Variants in TAFA1 observed in about 807,000 individuals in gnomAD.
The protein encoded by TAFA1 is TAFA chemokine like family member 1.
Under a neutral mutation model 18.5 loss-of-function variants are expected in TAFA1, and 4 were observed. That is an observed-to-expected ratio of 0.22 (90% CI 0.11 to 0.49). The LOEUF is 0.49. Ranked by LOEUF, TAFA1 falls within the 20% of genes least tolerant of loss-of-function variation. The probability of loss-of-function intolerance (pLI) is 0.98; values close to 1 mark genes in which losing one functional copy is unlikely to be tolerated. For missense variants in TAFA1, 147 were observed against 169.0 expected (o/e 0.87, Z 0.72); for synonymous variants, 56 against 55.2 (o/e 1.01, Z -0.06).
intron 2 of TAFA1, among the ~76,000 whole-genome samples, chr3:68,359,347 T>C (rs769117515): frequency 2.6e-5 from 4 of 152,010 alleles, no homozygotes; most frequent in Non-Finnish European, 5.9e-5. Context: ...TATGTTACCC[T>C]ACAAGGCAAA....
At chr3:68,029,517 A>C (rs1704886570) in intron 2 of TAFA1, among the ~76,000 whole-genome samples, 1 of 152,218 alleles carries the variant, frequency 6.6e-6, no homozygotes, top group Admixed American at 6.5e-5. Flanking sequence ...TCTAAAATTT[A>C]AGTTAAATAA....
At chr3:68,000,082 C>CTACTTATTT (rs1704268449), upstream of TAFA1, among the ~76,000 whole-genome samples, 1 of 152,204 alleles carries the variant, frequency 6.6e-6, no homozygotes, top group Admixed American at 6.5e-5. Flanking sequence ...AGCCACCGTG[C>CTACTTATTT]CTGGTCAAAG....
intron 3 of TAFA1, among the ~76,000 whole-genome samples, chr3:68,473,851 A>G (rs2072044000): frequency 6.6e-6 from 1 of 152,190 alleles, no homozygotes; most frequent in Admixed American, 6.6e-5. Flanking sequence ...GTTGTTGTAT[A>G]TAATCTCCAA....
In TAFA1 at chr3:68,204,805, T is replaced by C. The variant is rs553653035; in HGVS notation, c.118+198061T>C. 5.3e-5 allele frequency among the ~76,000 whole-genome samples: 8 copies of C among 151,966 alleles called. No homozygotes were observed. In the East Asian group the frequency reaches 1.6e-3, roughly 30 times the overall value. On this transcript the variant is annotated intron_variant, in intron 2 of 4. Coordinates refer to ENST00000478136, the MANE Select transcript of TAFA1 (RefSeq NM_213609.4). ...CAAGGCTGAAGTGATTTGCTCAAGG[T>C]CATCCAGCGAGTTAATGACTAATCT... is the stretch of plus-strand genomic sequence containing the variant.
intron 2 of TAFA1, among the ~76,000 whole-genome samples, chr3:68,151,203 A>C (rs1168969692): frequency 6.6e-6 from 1 of 152,176 alleles, no homozygotes; most frequent in Non-Finnish European, 1.5e-5. Flanking sequence ...CACAAGCTGC[A>C]ACATATTTTG....
chr3:68,249,986 C>T (rs2067161936), intron 2 of TAFA1, among the ~76,000 whole-genome samples: 1 of 152,126 alleles, frequency 6.6e-6, no homozygotes, highest in Non-Finnish European at 1.5e-5. Context: ...GCTCTAGAAA[C>T]ATTTATTGTT....
At chr3:68,166,838 T>C (rs926747461) in intron 2 of TAFA1, among the ~76,000 whole-genome samples, 1 of 152,112 alleles carries the variant, frequency 6.6e-6, no homozygotes, top group Non-Finnish European at 1.5e-5. Flanking sequence ...GAAATCCCCT[T>C]ATACGCTTGT....
intron 2 of TAFA1, among the ~76,000 whole-genome samples, chr3:68,199,985 C>T (rs1467725186): frequency 1.3e-5 from 2 of 151,486 alleles, no homozygotes; most frequent in African/African-American, 4.8e-5. Context: ...GTGTTTTGTA[C>T]ATTTTAAAAT....
chr3:68,422,326 A>G (rs116778844), intron 3 of TAFA1, among the ~76,000 whole-genome samples: 2,897 of 152,170 alleles, frequency 0.019, 38 homozygotes, highest in Non-Finnish European at 0.03. Context: ...TCCCAATCTC[A>G]GTTCCCTAGG....
At chr3:68,084,039 A>G (rs918573958) in intron 2 of TAFA1, among the ~76,000 whole-genome samples, 3 of 152,162 alleles carry the variant, frequency 2.0e-5, no homozygotes, top group African/African-American at 7.2e-5. Context: ...AAGCAATGCT[A>G]TTCATGCCAG....
At position 68,494,659 on chromosome 3, in the gene TAFA1, C is replaced by T. The variant is rs148307516; in HGVS notation, c.260-44097C>T. On this transcript the variant is annotated intron_variant, in intron 3 of 4. Transcript: ENST00000478136. ...GGAAGTCACACATGATGAATTAATT[C>T]CTAATGATACCTCACAAGCTCTGGG... 5.3e-4 allele frequency among the ~76,000 whole-genome samples: 81 copies of T among 152,242 alleles called. 1 individual carries two copies. The East Asian group carries it at 0.015, about 28-fold the overall frequency.
chr3:68,540,488 C>T (rs1170519100), intron 4 of TAFA1, among the ~76,000 whole-genome samples: 2 of 152,130 alleles, frequency 1.3e-5, no homozygotes, highest in East Asian at 3.8e-4. Flanking sequence ...CTGATTCTTC[C>T]CAATAATTTG....
At chr3:68,122,402 T>C (rs2065411351) in intron 2 of TAFA1, among the ~76,000 whole-genome samples, 1 of 152,126 alleles carries the variant, frequency 6.6e-6, no homozygotes, top group Admixed American at 6.5e-5. Flanking sequence ...GTAATGCCAG[T>C]TATCAAAAAT....
At position 68,541,868 on chromosome 3, in the gene TAFA1, G is replaced by A. The variant is rs576101309; in HGVS notation, c.385-2618G>A. 1.2e-4 allele frequency among the ~76,000 whole-genome samples: 19 copies of A among 152,166 alleles called. No individual in the cohort carries two copies. The South Asian group carries it at 3.1e-3, about 25-fold the overall frequency. ...AATCATCCTGAACAAAATTCTCTTC[G>A]AAATGTGGTTAAATAATGTTTCAAA... On this transcript the variant is annotated intron_variant, in intron 4 of 4. Coordinates refer to ENST00000478136, the MANE Select transcript of TAFA1 (RefSeq NM_213609.4).
intron 2 of TAFA1, among the ~76,000 whole-genome samples, chr3:68,325,750 T>C (rs1240773561): frequency 2.0e-5 from 3 of 152,196 alleles, no homozygotes; most frequent in Non-Finnish European, 4.4e-5. Flanking sequence ...TTAATCATAA[T>C]AGCTGGCACG....
chr3:68,185,935 A>G (rs2066265374), intron 2 of TAFA1, among the ~76,000 whole-genome samples: 1 of 151,778 alleles, frequency 6.6e-6, no homozygotes, highest in Admixed American at 6.6e-5. Flanking sequence ...ATAAATAAAT[A>G]GGAAACAAAA....
rs956899012 is a variant in TAFA1 at position 68,538,979 on chromosome 3, G to A, written c.384+99G>A. On this transcript the variant is annotated intron_variant, in intron 4 of 4. Transcript: ENST00000478136. The stretch of plus-strand genomic sequence containing the variant: ...ATCCACAGAAGCTTTGCACAGGAGA[G>A]AAGATTCTCCACTGACAGAAAGCAT... The A allele has an allele frequency of 8.8e-6, 11 of 1,256,580 alleles. No individual in the cohort carries two copies. The African/African-American group carries it at 1.3e-4, about 15-fold the overall frequency. The allele number at this position is 1,256,580 out of a possible 1,614,324, so 77.8% of individuals were successfully genotyped here.
intron 2 of TAFA1, among the ~76,000 whole-genome samples, chr3:68,227,500 T>C (rs986846831): frequency 6.6e-6 from 1 of 152,218 alleles, no homozygotes; most frequent in Non-Finnish European, 1.5e-5. Flanking sequence ...GTCCATCCTC[T>C]AGGTAAACCT....
At chr3:68,179,467 T>C (rs1207446336) in intron 2 of TAFA1, among the ~76,000 whole-genome samples, 1 of 152,216 alleles carries the variant, frequency 6.6e-6, no homozygotes, top group Non-Finnish European at 1.5e-5. Context: ...TTTTTCCTCC[T>C]TTTAACATTG....
Sources: allele counts gnomAD v4.1 joint callset (sites outside exome capture counted in the v4.1 genomes callset), GRCh38; gene constraint gnomAD v4.1.1; transcripts MANE v1.5; gene names NCBI Gene and HGNC (gene_info 2026-07-23, HGNC 2026-07-21).